Variants in TMEM132D observed in about 807,000 individuals in gnomAD.
The protein encoded by TMEM132D is mature OL transmembrane protein.
TMEM132D carries 21 observed loss-of-function variants against 62.3 expected under a neutral mutation model. The ratio of observed to expected loss-of-function variants is 0.34; its 90% CI spans 0.24 to 0.49. The LOEUF is 0.49. Among genes scored for constraint, TMEM132D ranks in the 20% least tolerant of loss-of-function variants. TMEM132D has a pLI of 0.99. For missense variants in TMEM132D, 1,346 were observed against 1,402.8 expected (o/e 0.96, Z 0.65); for synonymous variants, 621 against 575.6 (o/e 1.08, Z -1.13).
intron 7 of TMEM132D, among the ~76,000 whole-genome samples, chr12:129,080,904 C>G (rs774580350): frequency 6.6e-6 from 1 of 152,164 alleles, no homozygotes; most frequent in Non-Finnish European, 1.5e-5. Context: ...TGGTCCTCTC[C>G]GTCACCCGCT....
In TMEM132D at chr12:129,149,562, C is replaced by T. The variant is rs147889099; in HGVS notation, c.1443+59958G>A. Among the ~76,000 whole-genome samples the T allele has an allele frequency of 3.0e-3, 452 of 152,242 alleles. 3 individuals are homozygous for T. The highest frequency in any genetic ancestry group is 0.01 in the African/African-American group (420 of 41,532). On this transcript the variant is annotated intron_variant, in intron 5 of 8. Coordinates refer to ENST00000422113, the MANE Select transcript of TMEM132D (RefSeq NM_133448.3). ...TCAGGAGACGTGTTTCTATTCTGTC[C>T]GTCTCCAGTGTGTGCGGCACCTCTC...
chr12:129,204,612 A>G lies in TMEM132D; in HGVS notation c.1443+4908T>C, dbSNP rs188777132. Among the ~76,000 whole-genome samples, 46 of 152,368 alleles carry G rather than the reference A, an allele frequency of 3.0e-4. No homozygotes were observed. In the East Asian group the frequency reaches 7.3e-3, roughly 24 times the overall value. ...CAACTTGGAAAACATATTTCAGGAT[A>G]TCACCCATGAAAACTTCCCCAACTT... On this transcript the variant is annotated intron_variant, in intron 5 of 8. Coordinates refer to ENST00000422113, the MANE Select transcript of TMEM132D (RefSeq NM_133448.3).
chr12:129,405,515 G>A (rs751577478), intron 3 of TMEM132D, among the ~76,000 whole-genome samples: 4 of 152,152 alleles, frequency 2.6e-5, no homozygotes, highest in Non-Finnish European at 5.9e-5. Flanking sequence ...AGCAGGCTGT[G>A]GGTCCCCGAC....
chr12:129,761,195 T>C (rs1870363748), intron 1 of TMEM132D, among the ~76,000 whole-genome samples: 1 of 152,136 alleles, frequency 6.6e-6, no homozygotes, highest in Non-Finnish European at 1.5e-5. Context: ...CTTGGATCTG[T>C]AAGCCTTGAC....
chr12:129,173,016 T>C (rs1877781621), intron 5 of TMEM132D, among the ~76,000 whole-genome samples: 1 of 152,154 alleles, frequency 6.6e-6, no homozygotes, highest in African/African-American at 2.4e-5. Flanking sequence ...GTGGGATTTG[T>C]GGGGCCCTAA....
intron 3 of TMEM132D, among the ~76,000 whole-genome samples, chr12:129,442,605 G>A (rs1488429559): frequency 7.5e-6 from 1 of 133,354 alleles, no homozygotes; most frequent in Non-Finnish European, 1.5e-5. Context: ...AGTATCTTGA[G>A]TGGTATGACC....
At chr12:129,323,912 A>ATTTT (rs3884224) in intron 4 of TMEM132D, among the ~76,000 whole-genome samples, 53 of 150,312 alleles carry the variant, frequency 3.5e-4, no homozygotes, top group East Asian at 2.7e-3. Flanking sequence ...AGTAGGTTTT[A>ATTTT]TTTTTTTTTT....
intron 3 of TMEM132D, among the ~76,000 whole-genome samples, chr12:129,338,638 C>G (rs145531226): frequency 5.6e-4 from 85 of 152,274 alleles, no homozygotes; most frequent in African/African-American, 1.8e-3. Flanking sequence ...TGAGAATGAA[C>G]AGAGGAATCC....
At chr12:129,266,943 C>A (rs1483033970) in intron 4 of TMEM132D, among the ~76,000 whole-genome samples, 1 of 152,056 alleles carries the variant, frequency 6.6e-6, no homozygotes, top group Non-Finnish European at 1.5e-5. Flanking sequence ...TGTTTTTTAC[C>A]CAGCACCAGA....
intron 5 of TMEM132D, among the ~76,000 whole-genome samples, chr12:129,193,554 G>A (rs1353448994): frequency 6.6e-6 from 1 of 152,066 alleles, no homozygotes; most frequent in Non-Finnish European, 1.5e-5. Flanking sequence ...ATCCAAAATC[G>A]AATTTTACTA....
intron 4 of TMEM132D, among the ~76,000 whole-genome samples, chr12:129,328,439 A>C (rs558152169): frequency 6.6e-6 from 1 of 152,360 alleles, no homozygotes; most frequent in Non-Finnish European, 1.5e-5. Flanking sequence ...TAGGGCTGTA[A>C]TAACCACACG....
intron 1 of TMEM132D, among the ~76,000 whole-genome samples, chr12:129,862,712 T>A (rs1260996969): frequency 6.6e-6 from 1 of 152,114 alleles, no homozygotes; most frequent in Admixed American, 6.5e-5. Flanking sequence ...CAAGTATAAG[T>A]AGAGAATGAG....
chr12:129,425,239 G>A (rs1453016161), intron 3 of TMEM132D, among the ~76,000 whole-genome samples: 1 of 152,154 alleles, frequency 6.6e-6, no homozygotes, highest in Admixed American at 6.5e-5. Context: ...AGGTAGATCT[G>A]TAATTTCATC....
chr12:129,221,089 C>T (rs1449558785), intron 4 of TMEM132D, among the ~76,000 whole-genome samples: 1 of 152,192 alleles, frequency 6.6e-6, no homozygotes, highest in East Asian at 1.9e-4. Context: ...TCAGAAGAGA[C>T]CTGTGAACAC....
At chr12:129,473,947 AC>A (rs1458176280) in intron 3 of TMEM132D, among the ~76,000 whole-genome samples, 1 of 152,228 alleles carries the variant, frequency 6.6e-6, no homozygotes, top group African/African-American at 2.4e-5. Flanking sequence ...TTCTTGTATA[AC>A]CAACAAACCA....
intron 3 of TMEM132D, among the ~76,000 whole-genome samples, chr12:129,477,655 C>A (rs1011311004): frequency 4.0e-5 from 6 of 151,830 alleles, no homozygotes; most frequent in Non-Finnish European, 5.9e-5. Flanking sequence ...CCCGTCTCTA[C>A]TAAAAATACA....
intron 2 of TMEM132D, among the ~76,000 whole-genome samples, chr12:129,624,894 A>C (rs1843426866): frequency 6.6e-6 from 1 of 152,216 alleles, no homozygotes; most frequent in Non-Finnish European, 1.5e-5. Context: ...AGAGTGGAGA[A>C]GGCATCTGGA....
chr12:129,151,373 G>C (rs541447431), intron 5 of TMEM132D, among the ~76,000 whole-genome samples: 2 of 152,176 alleles, frequency 1.3e-5, no homozygotes, highest in African/African-American at 4.8e-5. Context: ...CTTATTCTGG[G>C]TTAGATACCC....
At chr12:129,505,982 G>A (rs1471235071) in intron 3 of TMEM132D, among the ~76,000 whole-genome samples, 1 of 152,182 alleles carries the variant, frequency 6.6e-6, no homozygotes, top group East Asian at 1.9e-4. Context: ...CACTCTGTGA[G>A]TCTGTATCTT....
Sources: allele counts gnomAD v4.1 joint callset (sites outside exome capture counted in the v4.1 genomes callset), GRCh38; gene constraint gnomAD v4.1.1; transcripts MANE v1.5; gene names NCBI Gene and HGNC (gene_info 2026-07-23, HGNC 2026-07-21).